The following RYR2 variants were observed in gnomAD, a reference collection of about 807,000 sequenced individuals.
RYR2 encodes the protein ryanodine receptor 2, also known as cardiac muscle ryanodine receptor-calcium release channel.
A neutral mutation model predicts 601.1 loss-of-function variants in RYR2; 227 were observed. The ratio of observed to expected loss-of-function variants is 0.38; its 90% CI spans 0.34 to 0.42. RYR2 has a LOEUF of 0.42. RYR2 is among the 10% of genes least tolerant of loss of function. RYR2 has a pLI of 1.00. For synonymous variants in RYR2, 2,223 were observed against 2,175.1 expected (o/e 1.02, Z -0.61); for missense variants, 4,646 against 6,156.5 (o/e 0.75, Z 8.21).
intron 87 of RYR2, among the ~76,000 whole-genome samples, chr1:237,776,756 T>C (rs1277560839): frequency 6.6e-6 from 1 of 151,982 alleles, no homozygotes; most frequent in Non-Finnish European, 1.5e-5. Flanking sequence ...CCGGGGCACA[T>C]GTAATCCCAG....
intron 3 of RYR2, among the ~76,000 whole-genome samples, chr1:237,350,631 A>ATATC (rs1239032579): frequency 9.5e-6 from 1 of 105,122 alleles, no homozygotes; most frequent in Non-Finnish European, 2.0e-5. Flanking sequence ...ATATATATAT[A>ATATC]TATCTCTGAC....
chr1:237,806,192 A>C lies in RYR2; in HGVS notation c.14207A>C (p.Asn4736Thr). 6.2e-7 allele frequency: 1 copy of C among 1,612,992 alleles called. No individual in the cohort carries two copies. Among genetic ancestry groups the C allele is most frequent in the South Asian group, 1.1e-5 (1 of 91,052 alleles). Residue 4736 changes from asparagine to threonine, a missense_variant, in exon 99 of 105, where the codon AAC (asparagine) becomes ACC (threonine). Coordinates refer to ENST00000366574, the MANE Select transcript of RYR2 (RefSeq NM_001035.3). ...MTMSVLGHYN[N>T]FFFAAHLLDI... ...ATGTCTGTTCTTGGACACTATAACA[A>C]CTTTTTTTTTGCCGCTCACCTTCTC...
intron 2 of RYR2, among the ~76,000 whole-genome samples, chr1:237,297,942 T>TTTTTTTG (rs1692961270): frequency 6.7e-6 from 1 of 149,272 alleles, no homozygotes; most frequent in African/African-American, 2.5e-5. Context: ...TTTTTTTTTG[T>TTTTTTTG]AGAGGTGTGG....
chr1:237,071,824 G>C (rs74628174), intron 1 of RYR2, among the ~76,000 whole-genome samples: 8,614 of 152,262 alleles, frequency 0.057, 723 homozygotes, highest in African/African-American at 0.19. Flanking sequence ...AGCCCCACCC[G>C]GCTCCAGCCT....
chr1:237,044,185 GTTTTTTT>G (rs4006365), intron 1 of RYR2, among the ~76,000 whole-genome samples: 2 of 150,410 alleles, frequency 1.3e-5, no homozygotes, highest in African/African-American at 4.9e-5. Flanking sequence ...GACTATAAGG[GTTTTTTT>G]TTTTTTAAGT....
At chr1:237,393,627 G>A (rs1229282535) in intron 10 of RYR2, among the ~76,000 whole-genome samples, 1 of 152,284 alleles carries the variant, frequency 6.6e-6, no homozygotes, top group East Asian at 1.9e-4. Flanking sequence ...CTTTTTCTCT[G>A]TCTTCAGGTC....
chr1:237,698,966 C>G lies in RYR2; in HGVS notation c.9069C>G (p.Gly3023=). The change falls in exon 64 of 105, where the codon GGC becomes GGG. Residue 3023 remains glycine, a splice_region_variant and synonymous_variant. Transcript: ENST00000366574. ...VLVRHRISLF[G]NDATSIVNCL... Reference sequence around the variant, plus strand: ...TACAGCATTTTGTTTCCTCTTTAGGCAATGATGCAACATCAATTGTCAACT... The same window carrying G: ...TACAGCATTTTGTTTCCTCTTTAGGGAATGATGCAACATCAATTGTCAACT... The G allele has an allele frequency of 6.5e-7, 1 of 1,538,568 alleles. No homozygotes were observed.
At chr1:237,302,185 C>T (rs146943323) in intron 2 of RYR2, among the ~76,000 whole-genome samples, 182 of 152,250 alleles carry the variant, frequency 1.2e-3, no homozygotes, top group African/African-American at 4.0e-3. Flanking sequence ...AACTTCCACT[C>T]AAAAGCTTTT....
intron 2 of RYR2, among the ~76,000 whole-genome samples, chr1:237,329,739 G>A (rs1013491629): frequency 6.6e-6 from 1 of 152,072 alleles, no homozygotes; most frequent in African/African-American, 2.4e-5. Context: ...GTAAGTCTGG[G>A]CTTCTAGTGC....
chr1:237,664,468 G>A (rs185601314), intron 56 of RYR2, among the ~76,000 whole-genome samples: 8 of 152,322 alleles, frequency 5.3e-5, no homozygotes, highest in Admixed American at 2.6e-4. Context: ...GGCTGCGGAG[G>A]CCTCACACTC....
chr1:237,140,133 A>T (rs1263976811), intron 1 of RYR2, among the ~76,000 whole-genome samples: 1 of 152,266 alleles, frequency 6.6e-6, no homozygotes, highest in African/African-American at 2.4e-5. Flanking sequence ...ACCGTTGCAG[A>T]ACAGTTTGTA....
chr1:237,120,020 G>A (rs1180082817), intron 1 of RYR2, among the ~76,000 whole-genome samples: 7 of 152,172 alleles, frequency 4.6e-5, no homozygotes, highest in Admixed American at 4.6e-4. Flanking sequence ...AAAAGCCGAG[G>A]TGGTACCATG....
Position 237,832,903 on chromosome 1 carries a change from G to T in RYR2, c.*256G>T. ...GGAATTCTGGAAAGAAAACCATTCT[G>T]GACACTGTCATAACACACATAGATA... On this transcript the variant is annotated 3_prime_UTR_variant, in exon 105 of 105. Coordinates refer to ENST00000366574, the MANE Select transcript of RYR2 (RefSeq NM_001035.3). 2 of 341,150 alleles carry T rather than the reference G, an allele frequency of 5.9e-6. No homozygotes were observed. The highest frequency in any genetic ancestry group is 1.1e-5 in the Non-Finnish European group (2 of 183,908). 21.1% of individuals were successfully genotyped at this position (341,150 alleles called of 1,614,324 possible).
At chr1:237,491,453 GC>G (rs2150410996) in intron 17 of RYR2, among the ~76,000 whole-genome samples, 1 of 152,184 alleles carries the variant, frequency 6.6e-6, no homozygotes, top group Admixed American at 6.5e-5. Flanking sequence ...TGCACATACT[GC>G]CCTTCCTTTC....
intron 86 of RYR2, among the ~76,000 whole-genome samples, chr1:237,772,568 ATC>A: frequency 6.6e-6 from 1 of 152,278 alleles, no homozygotes; most frequent in African/African-American, 2.4e-5. Flanking sequence ...TTGCTTAAAA[ATC>A]TCTGATATTG....
chr1:237,225,498 A>G (rs1477885029), intron 1 of RYR2, among the ~76,000 whole-genome samples: 1 of 152,152 alleles, frequency 6.6e-6, no homozygotes, highest in Non-Finnish European at 1.5e-5. Flanking sequence ...ACTCGCTACC[A>G]TGAGAACAGT....
At chr1:237,730,178 A>C in intron 76 of RYR2, 82 bp from the exon 77 acceptor site, 1 of 769,768 alleles carries the variant, frequency 1.3e-6, no homozygotes, top group Admixed American at 1.9e-5. Context: ...GTGCACAGAT[A>C]ATCTAGTAAT....
At chr1:237,767,324 C>T (rs557069051) in intron 84 of RYR2, among the ~76,000 whole-genome samples, 1 of 152,110 alleles carries the variant, frequency 6.6e-6, no homozygotes, top group African/African-American at 2.4e-5. Context: ...CTATAGCACA[C>T]TGAATTCAGA....
chr1:237,573,008 A>G (rs932668954), intron 29 of RYR2, among the ~76,000 whole-genome samples: 1 of 152,160 alleles, frequency 6.6e-6, no homozygotes, highest in Admixed American at 6.5e-5. Context: ...GAAACATACT[A>G]TGGTTGCTAA....
Sources: allele counts gnomAD v4.1 joint callset (sites outside exome capture counted in the v4.1 genomes callset), GRCh38; gene constraint gnomAD v4.1.1; transcripts MANE v1.5; gene names NCBI Gene and HGNC (gene_info 2026-07-23, HGNC 2026-07-21).